ELAC2: variants seen among roughly 807,000 people sequenced by gnomAD.
ELAC2 encodes elaC ribonuclease Z 2, also known as zinc phosphodiesterase ELAC protein 2.
A neutral mutation model predicts 105.2 loss-of-function variants in ELAC2; 92 were observed. The observed-to-expected ratio is 0.87, with a 90% CI of 0.74 to 1.04. The LOEUF (loss-of-function observed/expected upper bound fraction) is 1.04. Ranked by LOEUF, ELAC2 falls within the 50% of genes least tolerant of loss-of-function variation. ELAC2 has a pLI of 0.00. For synonymous variants in ELAC2, 468 were observed against 409.1 expected, an observed-to-expected ratio of 1.14 and a Z score of -1.74; for missense variants, 1,099 against 1,071.7, an observed-to-expected ratio of 1.03 and a Z score of -0.36.
chr17:13,014,493 T>G lies in ELAC2; in HGVS notation c.436A>C (p.Lys146Gln). 2 of 1,612,696 alleles carry G rather than the reference T, an allele frequency of 1.2e-6. No homozygotes were observed. The highest frequency in any genetic ancestry group is 1.7e-6 in the Non-Finnish European group (2 of 1,178,772). The part of the protein sequence containing the change: ...CVLSGPPQLE[K>Q]YLEAIKIFSG... ...AATATTTTGATTGCTTCGAGGTATT[T>G]TTCCTAATGAAAAACAAAGAAATGA... The change falls in exon 5 of 24, where the codon AAA (lysine) becomes CAA (glutamine). Residue 146 changes from lysine to glutamine, a missense_variant. Transcript: ENST00000338034.
intron 14 of ELAC2, 43 bp from the exon 15 acceptor site, chr17:13,000,317 T>G: frequency 6.4e-7 from 1 of 1,572,754 alleles, no homozygotes. Context: ...GGACAGGGTA[T>G]ATGGCCTCAG....
At chr17:13,003,927 T>G in intron 11 of ELAC2, 2 of 270,336 alleles carry the variant, frequency 7.4e-6, no homozygotes, top group East Asian at 1.8e-4. Flanking sequence ...CCCTCTCTCC[T>G]TCCTCTCTCA....
rs1168019559 is a variant in ELAC2, at chr17:12,998,413, T to C, written c.1519A>G (p.Ser507Gly). 7 of 1,613,974 alleles carry C rather than the reference T, an allele frequency of 4.3e-6. No individual in the cohort carries two copies. The South Asian group carries it at 5.5e-5, about 13-fold the overall frequency. The change falls in exon 16 of 24, where the codon AGC (serine) becomes GGC (glycine). Residue 507 changes from serine (S) to glycine (G), a missense_variant and splice_region_variant. Transcript: ENST00000338034. ...ATGCTTCCTGGGAAAGCAGCATACCTTATGTTGACAAGTGTGGCACTGACA... is the reference window on the plus strand; with the variant it reads ...ATGCTTCCTGGGAAAGCAGCATACCCTATGTTGACAAGTGTGGCACTGACA... ...RNVSATLVNISPDTSLLLDCG... is the reference protein window; with the variant it reads ...RNVSATLVNIGPDTSLLLDCG...
At chr17:13,002,637 G>A (rs1419358726) in intron 12 of ELAC2, 58 bp from the exon 13 acceptor site, 10 of 1,557,216 alleles carry the variant, frequency 6.4e-6, no homozygotes, top group Admixed American at 5.7e-5. Flanking sequence ...TCCCCCTGAG[G>A]AGTGGTGCTG....
At chr17:12,998,939 C>G (rs138824838) in intron 15 of ELAC2, among the ~76,000 whole-genome samples, 4 of 152,300 alleles carry the variant, frequency 2.6e-5, no homozygotes, top group Non-Finnish European at 5.9e-5. Flanking sequence ...CCCGCAGAAC[C>G]GTGAACTAAA....
rs767269129 is a variant in ELAC2 at position 13,010,606 on chromosome 17, T to G, written c.738+7A>C. On this transcript the variant is annotated splice_region_variant and intron_variant, in intron 8 of 23. Coordinates refer to ENST00000338034, the MANE Select transcript of ELAC2 (RefSeq NM_018127.7). Reference sequence around the variant, plus strand: ...TCATGTACAGCCCTCCGGAAAGTCTTCCTTACCTTACAGATGAAAGCTACG... The same window carrying G: ...TCATGTACAGCCCTCCGGAAAGTCTGCCTTACCTTACAGATGAAAGCTACG... The G allele has an allele frequency of 6.8e-6, 11 of 1,613,838 alleles. No individual in the cohort carries two copies. The highest frequency in any genetic ancestry group is 3.3e-4 in the Middle Eastern group (2 of 6,084).
chr17:12,995,678 G>A (rs1598201320), intron 19 of ELAC2, 25 bp downstream of exon 19: 2 of 1,593,222 alleles, frequency 1.3e-6, no homozygotes, highest in Non-Finnish European at 8.6e-7. Context: ...ACAGCCCAGC[G>A]GGCCAGGCTG....
At position 12,994,773 on chromosome 17, in the gene ELAC2, C is replaced by A; in HGVS notation, c.2020G>T (p.Val674Phe). The A allele has an allele frequency of 6.2e-7, 1 of 1,613,974 alleles. No individual in the cohort carries two copies. The highest frequency in any genetic ancestry group is 1.1e-5 in the South Asian group (1 of 91,088). Reference protein sequence around the residue: ...SGDTMPCEALVRMGKDATLLI... With the variant: ...SGDTMPCEALFRMGKDATLLI... ...TTCTTCCTCTACTCACCCATCCGGA[C>A]CAGAGCCTCGCAGGGCATGGTGTCC... Residue 674 changes from valine to phenylalanine, a missense_variant, in exon 21 of 24, where the codon GTC becomes TTC. Transcript: ENST00000338034.
At chr17:13,012,768 T>C (rs1400316589) in intron 6 of ELAC2, among the ~76,000 whole-genome samples, 5 of 152,154 alleles carry the variant, frequency 3.3e-5, no homozygotes, top group African/African-American at 9.7e-5. Context: ...GACCACATCA[T>C]CTGGCCCTGA....
intron 14 of ELAC2, 79 bp from the exon 15 acceptor site, chr17:13,000,353 T>A: frequency 7.7e-7 from 1 of 1,295,944 alleles, no homozygotes. Flanking sequence ...ATGTCCAGAA[T>A]AAATTCAGGG....
At chr17:13,014,335 G>T in intron 5 of ELAC2, 104 bp downstream of exon 5, 5 of 761,854 alleles carry the variant, frequency 6.6e-6, no homozygotes, top group Non-Finnish European at 1.1e-5. Context: ...TGAAGCATTT[G>T]ATTTTGAGGT....
intron 22 of ELAC2, 104 bp downstream of exon 22, chr17:12,994,321 A>T (rs2040354842): frequency 3.1e-6 from 4 of 1,300,224 alleles, no homozygotes; most frequent in Non-Finnish European, 4.5e-6. Context: ...CTTGATAGGA[A>T]GCAGGGCAGC....
rs762017822 is a variant in ELAC2, at chr17:13,017,778, G to A, written c.170C>T (p.Thr57Ile). 5.0e-6 allele frequency: 8 copies of A among 1,610,622 alleles called. No individual in the cohort carries two copies. The East Asian group carries it at 6.7e-5, about 13-fold the overall frequency. Residue 57 changes from threonine (T) to isoleucine (I), a missense_variant, in exon 1 of 24, where the codon ACC (threonine) becomes ATC (isoleucine). Coordinates refer to ENST00000338034, the MANE Select transcript of ELAC2 (RefSeq NM_018127.7). ...CGCTGCCACCACCTGCAGGTACACGGTGTTTGGGCCGCCGGAGCACCCCGA... is the reference window on the plus strand; with the variant it reads ...CGCTGCCACCACCTGCAGGTACACGATGTTTGGGCCGCCGGAGCACCCCGA... ...GPSGCSGGPN[T>I]VYLQVVAAGS...
At chr17:13,015,919 T>A in intron 3 of ELAC2, 87 bp from the exon 4 acceptor site, 1 of 990,952 alleles carries the variant, frequency 1.0e-6, no homozygotes, top group Non-Finnish European at 1.6e-6. Flanking sequence ...TCCAACTATT[T>A]ATCTACATCT....
chr17:13,006,808 T>C (rs2041135130), intron 8 of ELAC2, among the ~76,000 whole-genome samples: 2 of 152,202 alleles, frequency 1.3e-5, no homozygotes, highest in South Asian at 4.1e-4. Flanking sequence ...TGCTTTTATC[T>C]TGGAGATAAA....
chr17:13,017,175 C>G, intron 1 of ELAC2, 54 bp from the exon 2 acceptor site: 28 of 1,448,130 alleles, frequency 1.9e-5, no homozygotes, highest in Non-Finnish European at 2.7e-5. Context: ...TGTAAACTCT[C>G]TGACACCAAT....
chr17:13,009,986 G>T (rs1382464260), intron 8 of ELAC2, among the ~76,000 whole-genome samples: 3 of 77,424 alleles, frequency 3.9e-5, no homozygotes, highest in African/African-American at 1.4e-4. Context: ...GACAGACATG[G>T]TCTCAAAAAA....
intron 11 of ELAC2, chr17:13,004,210 CA>C (rs1461378627): frequency 6.4e-6 from 1 of 157,114 alleles, no homozygotes; most frequent in African/African-American, 2.4e-5. Context: ...TTTTGCTGCC[CA>C]AAACTGGATT....
At chr17:13,008,635 G>A (rs933866659) in intron 8 of ELAC2, among the ~76,000 whole-genome samples, 6 of 152,190 alleles carry the variant, frequency 3.9e-5, no homozygotes. Flanking sequence ...AGACTGATGA[G>A]AGCCAGAACG....
Sources: allele counts gnomAD v4.1 joint callset (sites outside exome capture counted in the v4.1 genomes callset), GRCh38; gene constraint gnomAD v4.1.1; transcripts MANE v1.5; gene names NCBI Gene and HGNC (gene_info 2026-07-23, HGNC 2026-07-21).